The following GRM7 variants were observed in gnomAD, a reference collection of about 807,000 sequenced individuals.
The protein encoded by GRM7 is glutamate metabotropic receptor 7.
A neutral mutation model predicts 84.5 loss-of-function variants in GRM7; 35 were observed. The observed-to-expected ratio is 0.41, with a 90% CI of 0.32 to 0.55. GRM7 has a LOEUF of 0.55. Among genes scored for constraint, GRM7 ranks in the 20% least tolerant of loss-of-function variants. The pLI is 0.19. For synonymous variants in GRM7, 487 were observed against 455.1 expected (o/e 1.07, Z -0.89); for missense variants, 1,003 against 1,194.6 (o/e 0.84, Z 2.36).
intron 1 of GRM7, among the ~76,000 whole-genome samples, chr3:6,894,517 A>G (rs1696100112): frequency 1.3e-5 from 2 of 152,184 alleles, no homozygotes; most frequent in South Asian, 2.1e-4. Context: ...ATTGTAATAT[A>G]TACATTGTAA....
At chr3:7,121,965 A>T (rs1693239781) in intron 1 of GRM7, among the ~76,000 whole-genome samples, 1 of 152,202 alleles carries the variant, frequency 6.6e-6, no homozygotes, top group Non-Finnish European at 1.5e-5. Context: ...TTCACCCCTC[A>T]TGCTCTCTCT....
rs573527660 is a variant in GRM7 at position 7,722,734 on chromosome 3, G to T, written c.2699-17623G>T. 4.0e-4 allele frequency among the ~76,000 whole-genome samples: 61 copies of T among 152,138 alleles called. 1 individual carries two copies. The highest frequency in any genetic ancestry group is 1.5e-3 in the African/African-American group (61 of 41,514). On this transcript the variant is annotated intron_variant, in intron 9 of 9. Transcript: ENST00000357716. The stretch of plus-strand genomic sequence containing the variant: ...TGGGATTACAGGTGTGAGCCACCAC[G>T]CCCGGCCCCTTGTGTTTTTCCCACT...
chr3:7,037,920 G>A (rs1361055914), intron 1 of GRM7, among the ~76,000 whole-genome samples: 1 of 152,106 alleles, frequency 6.6e-6, no homozygotes, highest in African/African-American at 2.4e-5. Flanking sequence ...ACATGGAAAT[G>A]TATTCTAAAC....
In GRM7 at chr3:7,692,099, C is replaced by G. The variant is rs1700825737; in HGVS notation, c.2698+11804C>G. 2.6e-5 allele frequency among the ~76,000 whole-genome samples: 4 copies of G among 152,250 alleles called. No individual in the cohort carries two copies. In the South Asian group the frequency reaches 6.2e-4, roughly 24 times the overall value. On this transcript the variant is annotated intron_variant, in intron 9 of 9. Transcript: ENST00000357716. ...CAACCTTTTCTCTAGGTACAACAATCTCTATTTTCAAGATAGTTTACTGTG... is the reference window on the plus strand; with the variant it reads ...CAACCTTTTCTCTAGGTACAACAATGTCTATTTTCAAGATAGTTTACTGTG...
intron 5 of GRM7, among the ~76,000 whole-genome samples, chr3:7,416,290 A>G (rs1318935288): frequency 6.6e-6 from 1 of 152,144 alleles, no homozygotes; most frequent in African/African-American, 2.4e-5. Flanking sequence ...GACATGATCT[A>G]CCATCTTATC....
intron 1 of GRM7, among the ~76,000 whole-genome samples, chr3:6,969,338 C>G (rs1693648230): frequency 1.3e-5 from 2 of 152,108 alleles, no homozygotes; most frequent in African/African-American, 4.8e-5. Flanking sequence ...ATATCTGTTT[C>G]CATCTTCAAA....
intron 8 of GRM7, among the ~76,000 whole-genome samples, chr3:7,673,760 G>A (rs1254415160): frequency 6.6e-6 from 1 of 152,186 alleles, no homozygotes; most frequent in African/African-American, 2.4e-5. Context: ...TGCATTTTGT[G>A]TATTCCCACA....
chr3:7,141,921 A>C (rs1228978860), intron 1 of GRM7, among the ~76,000 whole-genome samples: 1 of 152,148 alleles, frequency 6.6e-6, no homozygotes, highest in Non-Finnish European at 1.5e-5. Flanking sequence ...TAAAAGTCCA[A>C]AGTAATTTCC....
intron 9 of GRM7, chr3:7,691,134 A>T (rs1002245265): frequency 1.1e-5 from 5 of 471,446 alleles, no homozygotes; most frequent in Non-Finnish European, 2.0e-5. Context: ...CTATGATCTA[A>T]ATGACTATTC....
intron 2 of GRM7, among the ~76,000 whole-genome samples, chr3:7,215,895 A>C (rs1473797135): frequency 2.0e-5 from 3 of 152,114 alleles, no homozygotes; most frequent in Non-Finnish European, 1.5e-5. Flanking sequence ...CCGCCAACTG[A>C]ATACTTGGCA....
rs181926936 is a variant in GRM7, at chr3:7,485,910, T to G, written c.1515+24188T>G. 2.4e-3 allele frequency among the ~76,000 whole-genome samples: 361 copies of G among 152,268 alleles called. 3 individuals are homozygous for G. The highest frequency in any genetic ancestry group is 8.8e-4 in the Non-Finnish European group (60 of 68,012). On this transcript the variant is annotated intron_variant, in intron 7 of 9. Transcript: ENST00000357716. The stretch of plus-strand genomic sequence containing the variant: ...AAAGTTGAAGTACTTAAATACTGAA[T>G]TTTTCCCCAGCAATTAAAAAGTAGC...
At chr3:7,543,668 T>G (rs539112521) in intron 7 of GRM7, among the ~76,000 whole-genome samples, 15 of 152,348 alleles carry the variant, frequency 9.8e-5, no homozygotes, top group Admixed American at 8.5e-4. Flanking sequence ...GGAGTAAAAC[T>G]TAGCAAGAAG....
chr3:7,693,552 T>C (rs970900653), intron 9 of GRM7: 2 of 851,416 alleles, frequency 2.3e-6, no homozygotes, highest in East Asian at 2.7e-5. Flanking sequence ...ATTTTTGTCA[T>C]GTTTGCAAAT....
At chr3:7,689,054 G>A (rs1004282031) in intron 9 of GRM7, among the ~76,000 whole-genome samples, 1 of 152,150 alleles carries the variant, frequency 6.6e-6, no homozygotes, top group Non-Finnish European at 1.5e-5. Flanking sequence ...AATGCAATTA[G>A]GTACAAAATA....
chr3:7,377,544 A>G (rs1007507364), intron 4 of GRM7, among the ~76,000 whole-genome samples: 4 of 152,180 alleles, frequency 2.6e-5, no homozygotes, highest in Non-Finnish European at 5.9e-5. Context: ...GAGAAATAAG[A>G]AACTGATATT....
At chr3:7,079,455 A>G (rs948616237) in intron 1 of GRM7, among the ~76,000 whole-genome samples, 2 of 152,204 alleles carry the variant, frequency 1.3e-5, no homozygotes, top group Non-Finnish European at 2.9e-5. Flanking sequence ...GTAGGTAGGA[A>G]TGACTGTTAG....
At chr3:7,717,733 C>A (rs1274338695) in intron 9 of GRM7, among the ~76,000 whole-genome samples, 1 of 152,256 alleles carries the variant, frequency 6.6e-6, no homozygotes. Context: ...AAATGAGATT[C>A]TATGCCCCAG....
intron 1 of GRM7, among the ~76,000 whole-genome samples, chr3:7,095,945 T>A (rs1698844511): frequency 6.6e-6 from 1 of 152,142 alleles, no homozygotes; most frequent in South Asian, 2.1e-4. Flanking sequence ...ATGTCATATA[T>A]ATTTTAGGTA....
At chr3:7,549,351 A>G (rs1321495269) in intron 7 of GRM7, among the ~76,000 whole-genome samples, 2 of 152,164 alleles carry the variant, frequency 1.3e-5, no homozygotes, top group African/African-American at 4.8e-5. Flanking sequence ...ACATTGCCTC[A>G]TAATATCACA....
Sources: allele counts gnomAD v4.1 joint callset (sites outside exome capture counted in the v4.1 genomes callset), GRCh38; gene constraint gnomAD v4.1.1; transcripts MANE v1.5; gene names NCBI Gene and HGNC (gene_info 2026-07-23, HGNC 2026-07-21).